ELF2: variants seen among roughly 807,000 people sequenced by gnomAD.
ELF2 encodes the protein E74 like ETS transcription factor 2, also known as ETS-related transcription factor Elf-2.
In ELF2, 11 loss-of-function variants were observed where a neutral mutation model predicts 54.8. That is an observed-to-expected ratio of 0.20 (90% CI 0.13 to 0.33). The LOEUF is 0.33. ELF2 is among the 10% of genes least tolerant of loss of function. The pLI is 1.00. For missense variants in ELF2, 513 were observed against 703.0 expected (o/e 0.73, Z 3.06); for synonymous variants, 203 against 245.1 (o/e 0.83, Z 1.61).
At chr4:139,168,726 T>A (rs1344856104) in intron 1 of ELF2, among the ~76,000 whole-genome samples, 1 of 151,874 alleles carries the variant, frequency 6.6e-6, no homozygotes, top group Non-Finnish European at 1.5e-5. Context: ...CAAAGAAAGA[T>A]CCCTTTTGTT....
At chr4:139,112,915 A>T (rs554423158) in intron 4 of ELF2, among the ~76,000 whole-genome samples, 16 of 151,774 alleles carry the variant, frequency 1.1e-4, no homozygotes, top group Non-Finnish European at 1.9e-4. Context: ...AATAAAAAAA[A>T]TTTTTTAAGT....
intron 1 of ELF2, among the ~76,000 whole-genome samples, chr4:139,147,518 C>T (rs1452568638): frequency 6.6e-6 from 1 of 152,210 alleles, no homozygotes; most frequent in African/African-American, 2.4e-5. Flanking sequence ...GTCGCCTAGG[C>T]TGGAGAGCAG....
At chr4:139,109,338 G>A (rs1230533643) in intron 4 of ELF2, among the ~76,000 whole-genome samples, 2 of 152,006 alleles carry the variant, frequency 1.3e-5, no homozygotes, top group Non-Finnish European at 2.9e-5. Context: ...GGCATGAGAC[G>A]AGCAGCATTA....
At chr4:139,088,844 C>T (rs1295997015) in intron 4 of ELF2, among the ~76,000 whole-genome samples, 3 of 152,026 alleles carry the variant, frequency 2.0e-5, no homozygotes, top group East Asian at 3.9e-4. Context: ...CCGCAACCTG[C>T]GCCTCCCAGG....
chr4:139,154,704 C>T (rs62323060), intron 1 of ELF2, among the ~76,000 whole-genome samples: 15,838 of 151,892 alleles, frequency 0.1, 1,567 homozygotes, highest in East Asian at 0.44. Flanking sequence ...GATAGCTTAT[C>T]TTCATGAGTG....
chr4:139,131,707 C>G (rs1006909905), intron 3 of ELF2, among the ~76,000 whole-genome samples: 7 of 151,696 alleles, frequency 4.6e-5, no homozygotes, highest in African/African-American at 1.7e-4. Flanking sequence ...GAAACCACTC[C>G]AAATAAATAC....
At chr4:139,115,072 A>T in intron 4 of ELF2, 1 of 1,613,926 alleles carries the variant, frequency 6.2e-7, no homozygotes, top group Non-Finnish European at 8.5e-7. Context: ...CTCCATGTCC[A>T]GGAGCTCATC....
intron 1 of ELF2, among the ~76,000 whole-genome samples, chr4:139,144,626 G>A (rs1476311378): frequency 6.6e-6 from 1 of 152,198 alleles, no homozygotes; most frequent in Non-Finnish European, 1.5e-5. Flanking sequence ...TAAACAGCTT[G>A]GAATTTAGCT....
intron 4 of ELF2, chr4:139,102,107 T>C (rs1733932141): frequency 6.6e-6 from 1 of 152,110 alleles, no homozygotes; most frequent in Non-Finnish European, 1.5e-5. Context: ...CAAAAGAAGT[T>C]TTTCATTCTC....
At chr4:139,140,784 C>A (rs1248944839) in intron 1 of ELF2, among the ~76,000 whole-genome samples, 1 of 151,832 alleles carries the variant, frequency 6.6e-6, no homozygotes, top group Non-Finnish European at 1.5e-5. Flanking sequence ...AGTCCTCTTC[C>A]ATTATCCTGC....
At position 139,132,584 on chromosome 4, in the gene ELF2, G is replaced by A. The variant is rs866548027; in HGVS notation, c.72+5046C>T. On this transcript the variant is annotated intron_variant, in intron 3 of 9. Coordinates refer to ENST00000686138, the MANE Select transcript of ELF2 (RefSeq NM_001331036.3). ...TTTTGTGTCCAACTTCTTTACTGCT[G>A]ATATTTATACATATTGCTGCATGTA... is the stretch of plus-strand genomic sequence containing the variant. Among the ~76,000 whole-genome samples the A allele has an allele frequency of 3.3e-5, 5 of 151,894 alleles. No individual in the cohort carries two copies. In the South Asian group the frequency reaches 1.0e-3, roughly 32 times the overall value.
chr4:139,142,458 C>T (rs967699765), intron 1 of ELF2, among the ~76,000 whole-genome samples: 3 of 151,970 alleles, frequency 2.0e-5, no homozygotes, highest in African/African-American at 7.3e-5. Context: ...AAGTAGGTCC[C>T]CTGTAAGGAC....
chr4:139,175,019 T>C (rs898680800), intron 1 of ELF2, among the ~76,000 whole-genome samples: 2 of 152,240 alleles, frequency 1.3e-5, no homozygotes, highest in Non-Finnish European at 2.9e-5. Context: ...ACAATTGTAG[T>C]AAAAACCACT....
At chr4:139,082,439 C>G (rs1731248027) in intron 4 of ELF2, among the ~76,000 whole-genome samples, 1 of 152,226 alleles carries the variant, frequency 6.6e-6, no homozygotes, top group Non-Finnish European at 1.5e-5. Context: ...AACTGTCAAA[C>G]AGATGTGTTT....
Position 139,072,016 on chromosome 4 carries a change from C to T in ELF2, c.376G>A (p.Val126Ile). 16 of 1,608,160 alleles carry T rather than the reference C, an allele frequency of 9.9e-6. No individual in the cohort carries two copies. The highest frequency in any genetic ancestry group is 1.4e-5 in the Non-Finnish European group (16 of 1,178,776). Residue 126 changes from valine to isoleucine, a missense_variant, in exon 6 of 10, where the codon GTA becomes ATA. Physicochemically the swap from Val to Ile is conservative, Grantham distance 29. Coordinates refer to ENST00000686138, the MANE Select transcript of ELF2 (RefSeq NM_001331036.3). ...SPVEVFVPPC[V>I]STPEFIHAAM... ...GCATGGATGAATTCTGGAGTTGATA[C>T]ACAAGGAGGAACAAACACTTCCACT...
At chr4:139,065,396 A>G (rs1728543947) in intron 7 of ELF2, among the ~76,000 whole-genome samples, 1 of 152,134 alleles carries the variant, frequency 6.6e-6, no homozygotes, top group East Asian at 1.9e-4. Context: ...AGAATACTTT[A>G]GCCTGGGAGG....
intron 4 of ELF2, chr4:139,102,326 T>TC (rs1733963441): frequency 7.4e-6 from 1 of 134,818 alleles, no homozygotes; most frequent in African/African-American, 2.8e-5. Flanking sequence ...ATCGAGACCA[T>TC]CCTGGCTAAC....
chr4:139,075,308 T>A (rs1730144897), intron 4 of ELF2, among the ~76,000 whole-genome samples: 1 of 152,258 alleles, frequency 6.6e-6, no homozygotes, highest in African/African-American at 2.4e-5. Context: ...AGCAAGAATA[T>A]GATAATTTCT....
Position 139,059,064 on chromosome 4 carries a change from G to A in ELF2, c.1701C>T (p.His567=), listed in dbSNP as rs745809671. ...CTGAAGGCGCACTGACAACCACTACGTGGGTCACTGTCTTATTTCCATCTG... is the reference window on the plus strand; with the variant it reads ...CTGAAGGCGCACTGACAACCACTACATGGGTCACTGTCTTATTTCCATCTG... ...KPADGNKTVT[H]VVVVSAPSAI... The change falls in exon 10 of 10, where the codon CAC becomes CAT. Residue 567 remains histidine, a synonymous_variant. Coordinates refer to ENST00000686138, the MANE Select transcript of ELF2 (RefSeq NM_001331036.3). 67 of 1,613,806 alleles carry A rather than the reference G, an allele frequency of 4.2e-5. No individual in the cohort carries two copies. The highest frequency in any genetic ancestry group is 1.6e-4 in the Middle Eastern group (1 of 6,078).
Sources: allele counts gnomAD v4.1 joint callset (sites outside exome capture counted in the v4.1 genomes callset), GRCh38; gene constraint gnomAD v4.1.1; transcripts MANE v1.5; gene names NCBI Gene and HGNC (gene_info 2026-07-23, HGNC 2026-07-21).